Variants in RBM17 observed in about 807,000 individuals in gnomAD.
RBM17 encodes the protein splicing factor 45.
In RBM17, 7 loss-of-function variants were observed where a neutral mutation model predicts 53.2. That is an observed-to-expected ratio of 0.13 (90% CI 0.07 to 0.25). RBM17 has a LOEUF of 0.25. Among genes scored for constraint, RBM17 ranks in the 10% least tolerant of loss-of-function variants. The pLI is 1.00. For missense variants in RBM17, 257 were observed against 496.7 expected, an observed-to-expected ratio of 0.52 and a Z score of 4.59; for synonymous variants, 167 against 178.1, an observed-to-expected ratio of 0.94 and a Z score of 0.50.
At chr10:6,114,409 C>T in intron 10 of RBM17, 1 of 352,330 alleles carries the variant, frequency 2.8e-6, no homozygotes, top group Non-Finnish European at 5.4e-6. Context: ...TTCTAGCGTG[C>T]TCAGTAGTTT....
chr10:6,104,299 C>T (rs11256771), intron 3 of RBM17, among the ~76,000 whole-genome samples: 5,606 of 152,180 alleles, frequency 0.037, 178 homozygotes, highest in East Asian at 0.14. Flanking sequence ...CGAGAAAACA[C>T]GAAGTGTTAT....
chr10:6,097,314 A>G (rs1287049934), intron 2 of RBM17, 126 bp downstream of exon 2: 2 of 948,740 alleles, frequency 2.1e-6, no homozygotes, highest in African/African-American at 3.3e-5. Context: ...AAGCATTTGT[A>G]GGGGGAGAGG....
In RBM17 at chr10:6,112,213, C is replaced by T. The variant is rs1282049090; in HGVS notation, c.708C>T (p.Gly236=). ...PSNSFLANMG[G]TVAHKIMQKY... is the part of the protein sequence containing the mutation. The stretch of plus-strand genomic sequence containing the variant: ...CTTTCCCTTCTTCTCCTGCCAGGGG[C>T]ACGGTGGCGCACAAGATCATGCAGA... The change falls in exon 8 of 12, where the codon GGC becomes GGT. Residue 236 remains glycine (G), a synonymous_variant. Coordinates refer to ENST00000379888, the MANE Select transcript of RBM17 (RefSeq NM_032905.5). The surrounding 1 kb of genome is among the most constrained non-coding windows in gnomAD (Gnocchi z 4.4). 1.9e-6 allele frequency: 3 copies of T among 1,611,554 alleles called. No homozygotes were observed. The highest frequency in any genetic ancestry group is 1.7e-6 in the Non-Finnish European group (2 of 1,179,904).
intron 1 of RBM17, among the ~76,000 whole-genome samples, chr10:6,094,598 G>A (rs1840544005): frequency 6.6e-6 from 1 of 152,356 alleles, no homozygotes; most frequent in African/African-American, 2.4e-5. Context: ...GATGAAAGGT[G>A]CATGGTCATT....
intron 5 of RBM17, 149 bp from the exon 6 acceptor site, chr10:6,108,537 C>T: frequency 3.6e-6 from 2 of 552,514 alleles, no homozygotes; most frequent in African/African-American, 2.0e-5. Context: ...GAGGTTTGTT[C>T]ATATGTAGCA....
At chr10:6,090,861 T>A (rs568325041) in intron 1 of RBM17, among the ~76,000 whole-genome samples, 2,409 of 139,228 alleles carry the variant, frequency 0.017, 32 homozygotes, top group Non-Finnish European at 0.025. Context: ...ATGGGAAAAA[T>A]TTTTTTTTAA....
chr10:6,115,756 A>G lies in RBM17; in HGVS notation c.*200A>G, dbSNP rs1840905049. 4.7e-6 allele frequency: 2 copies of G among 421,814 alleles called. No homozygotes were observed. The allele number at this position is 421,814 out of a possible 1,614,324, so 26.1% of individuals were successfully genotyped here. On this transcript the variant is annotated 3_prime_UTR_variant, in exon 12 of 12. Coordinates refer to ENST00000379888, the MANE Select transcript of RBM17 (RefSeq NM_032905.5). The stretch of plus-strand genomic sequence containing the variant: ...TAAAAATCCTTTTAAAAAAACAACA[A>G]TCTGTGTGCCTCTCTGGTTGTTTCT...
At chr10:6,095,124 A>T (rs1389412694) in intron 1 of RBM17, among the ~76,000 whole-genome samples, 1 of 152,168 alleles carries the variant, frequency 6.6e-6, no homozygotes, top group East Asian at 1.9e-4. Flanking sequence ...CTGTCACGAG[A>T]CATCCCCAAG....
At chr10:6,097,862 C>G (rs1268242681) in intron 2 of RBM17, among the ~76,000 whole-genome samples, 1 of 152,164 alleles carries the variant, frequency 6.6e-6, no homozygotes, top group Non-Finnish European at 1.5e-5. Context: ...TTTTAAGTAG[C>G]ATTCCTACTG....
Position 6,101,315 on chromosome 10 carries a change from C to T in RBM17, c.168C>T (p.Asp56=), listed in dbSNP as rs756737526. Residue 56 remains aspartate, a synonymous_variant, in exon 3 of 12, where the codon GAC becomes GAT. Coordinates refer to ENST00000379888, the MANE Select transcript of RBM17 (RefSeq NM_032905.5). The part of the protein sequence containing the change: ...KQSTVLAPVI[D]LKRGGSSDDR... ...GTACAGTCCTCGCCCCAGTCATTGA[C>T]CTGAAGCGAGGTGGCTCCTCAGATG... 7.4e-6 allele frequency: 12 copies of T among 1,613,530 alleles called. No individual in the cohort carries two copies. The Admixed American group carries it at 2.0e-4, about 27-fold the overall frequency.
intron 1 of RBM17, among the ~76,000 whole-genome samples, chr10:6,094,995 T>C (rs1347332674): frequency 6.6e-6 from 1 of 152,198 alleles, no homozygotes. Context: ...TAAACTAGGC[T>C]CTGAAGTGGA....
chr10:6,108,857 C>G (rs1052068804), intron 6 of RBM17, 115 bp downstream of exon 6: 23 of 600,836 alleles, frequency 3.8e-5, no homozygotes, highest in Admixed American at 1.5e-4. Flanking sequence ...GGCCTGCAAG[C>G]CTGCCTGGCT....
intron 3 of RBM17, among the ~76,000 whole-genome samples, chr10:6,101,779 C>G (rs1289669386): frequency 6.6e-6 from 1 of 152,148 alleles, no homozygotes; most frequent in Non-Finnish European, 1.5e-5. Flanking sequence ...ACTATATTCC[C>G]TTGTATATAG....
At chr10:6,098,595 A>G (rs1231670082) in intron 2 of RBM17, among the ~76,000 whole-genome samples, 2 of 28,090 alleles carry the variant, frequency 7.1e-5, no homozygotes, top group Admixed American at 1.1e-3. Flanking sequence ...TTTTTTTTTG[A>G]GACGTAGTCT....
chr10:6,100,596 G>C (rs986533386), intron 2 of RBM17, among the ~76,000 whole-genome samples: 1 of 152,170 alleles, frequency 6.6e-6, no homozygotes, highest in South Asian at 2.1e-4. Flanking sequence ...ATGATGATGG[G>C]GAAGAGGGAC....
At chr10:6,092,371 G>T (rs1473795189) in intron 1 of RBM17, among the ~76,000 whole-genome samples, 1 of 152,130 alleles carries the variant, frequency 6.6e-6, no homozygotes, top group African/African-American at 2.4e-5. Flanking sequence ...GAGAATTAAT[G>T]AACAAACTAT....
intron 5 of RBM17, 96 bp from the exon 6 acceptor site, chr10:6,108,589 TC>T (rs1840789932): frequency 1.1e-6 from 1 of 905,796 alleles, no homozygotes; most frequent in Non-Finnish European, 1.7e-6. Flanking sequence ...TTTAGTTTTT[TC>T]TTAGGGGGGT....
rs374530909 is a variant in RBM17, at chr10:6,115,574, C to T, written c.*18C>T. On this transcript the variant is annotated 3_prime_UTR_variant, in exon 12 of 12. Coordinates refer to ENST00000379888, the MANE Select transcript of RBM17 (RefSeq NM_032905.5). ...AAGTTTGATTTTAAGAACTAGAGCA[C>T]GAGTCATCTCCGGTGATCCTTAAAT... 146 of 1,438,508 alleles carry T rather than the reference C, an allele frequency of 1.0e-4. 1 individual carries two copies. The East Asian group carries it at 1.4e-3, about 14-fold the overall frequency. 89.1% of individuals were successfully genotyped at this position (1,438,508 alleles called of 1,614,324 possible).
intron 1 of RBM17, among the ~76,000 whole-genome samples, chr10:6,095,205 C>G (rs1588342943): frequency 6.6e-6 from 1 of 152,026 alleles, no homozygotes; most frequent in East Asian, 1.9e-4. Flanking sequence ...CCCGGCATCC[C>G]TTCATTCTTT....
Sources: allele counts gnomAD v4.1 joint callset (sites outside exome capture counted in the v4.1 genomes callset), GRCh38; gene constraint gnomAD v4.1.1; non-coding constraint Gnocchi (gnomAD v3.1); transcripts MANE v1.5; gene names NCBI Gene and HGNC (gene_info 2026-07-23, HGNC 2026-07-21).